The following RALYL variants were observed in gnomAD, a reference collection of about 807,000 sequenced individuals.
RALYL encodes the protein RNA-binding Raly-like protein.
In RALYL, 29 loss-of-function variants were observed where a neutral mutation model predicts 35.1. That is an observed-to-expected ratio of 0.83 (90% confidence interval 0.61 to 1.13). The LOEUF is 1.13. Among genes scored for constraint, RALYL ranks in the 50% most tolerant of loss-of-function variants. The pLI, the probability that RALYL is intolerant of heterozygous loss-of-function variation, is 0.00. For missense variants in RALYL, 359 were observed against 360.4 expected, an observed-to-expected ratio of 1.00 and a Z score of 0.03; for synonymous variants, 120 against 127.6, an observed-to-expected ratio of 0.94 and a Z score of 0.40.
At chr8:84,730,235 C>T (rs1181779092) in intron 2 of RALYL, among the ~76,000 whole-genome samples, 1 of 152,026 alleles carries the variant, frequency 6.6e-6, no homozygotes, top group Non-Finnish European at 1.5e-5. Flanking sequence ...TCAATATACA[C>T]AAATCAATAA....
chr8:84,609,481 G>T (rs1345660816), intron 2 of RALYL, among the ~76,000 whole-genome samples: 1 of 152,064 alleles, frequency 6.6e-6, no homozygotes, highest in African/African-American at 2.4e-5. Flanking sequence ...AAATCCTTTA[G>T]TCACTAGATG....
At chr8:84,593,223 T>C (rs1813695441) in intron 2 of RALYL, among the ~76,000 whole-genome samples, 1 of 152,086 alleles carries the variant, frequency 6.6e-6, no homozygotes. Flanking sequence ...TGTCTGGTCT[T>C]CCCTATATTG....
chr8:84,585,126 AT>A (rs1253906767), intron 2 of RALYL, among the ~76,000 whole-genome samples: 2 of 151,954 alleles, frequency 1.3e-5, no homozygotes, highest in African/African-American at 2.4e-5. Context: ...TGTTATGGGT[AT>A]TTTTTTTAAT....
At chr8:84,514,090 TAAAAA>T (rs57881021) in intron 1 of RALYL, among the ~76,000 whole-genome samples, 2 of 41,158 alleles carry the variant, frequency 4.9e-5, no homozygotes, top group Admixed American at 6.2e-4. Flanking sequence ...AGATTTCATC[TAAAAA>T]AAAAAAAAAA....
intron 1 of RALYL, among the ~76,000 whole-genome samples, chr8:84,462,193 A>G (rs182271708): frequency 1.5e-4 from 22 of 151,328 alleles, no homozygotes; most frequent in South Asian, 4.2e-4. Flanking sequence ...TTAATTTCCA[A>G]TCGCCTAATG....
intron 1 of RALYL, among the ~76,000 whole-genome samples, chr8:84,412,200 C>G (rs1407287395): frequency 6.6e-6 from 1 of 151,598 alleles, no homozygotes; most frequent in African/African-American, 2.4e-5. Context: ...TACAAAGATA[C>G]AAATCAAAGT....
At chr8:84,384,139 T>C (rs1383069487) in intron 1 of RALYL, among the ~76,000 whole-genome samples, 1 of 151,754 alleles carries the variant, frequency 6.6e-6, no homozygotes, top group Non-Finnish European at 1.5e-5. Context: ...GAGTAAGATA[T>C]TACACAATCA....
intron 1 of RALYL, among the ~76,000 whole-genome samples, chr8:84,476,395 C>T (rs902154077): frequency 1.1e-4 from 17 of 152,138 alleles, no homozygotes; most frequent in Admixed American, 3.3e-4. Flanking sequence ...TATGGAAAAC[C>T]TCTTTTGCTT....
chr8:84,306,089 G>A (rs1841732916), intron 1 of RALYL, among the ~76,000 whole-genome samples: 1 of 151,942 alleles, frequency 6.6e-6, no homozygotes, highest in Non-Finnish European at 1.5e-5. Context: ...GCGTGAACCT[G>A]GGAGGCGGAG....
Position 84,287,776 on chromosome 8 carries a change from G to T in RALYL, c.-24+103352G>T, listed in dbSNP as rs370940799. 1.9e-4 allele frequency among the ~76,000 whole-genome samples: 29 copies of T among 152,254 alleles called. 1 individual carries two copies. Among genetic ancestry groups the T allele is most frequent in the African/African-American group, 6.0e-4 (25 of 41,562 alleles). On this transcript the variant is annotated intron_variant, in intron 1 of 8. Coordinates refer to ENST00000521268, the MANE Select transcript of RALYL (RefSeq NM_173848.7). Reference sequence around the variant, plus strand: ...ATGATTAATTCTAGAAGATCCAATCGTTTCAGGAATTGGAGAATGGTTAGA... The same window carrying T: ...ATGATTAATTCTAGAAGATCCAATCTTTTCAGGAATTGGAGAATGGTTAGA...
intron 2 of RALYL, among the ~76,000 whole-genome samples, chr8:84,564,759 A>T (rs1338896620): frequency 2.0e-5 from 3 of 151,666 alleles, no homozygotes; most frequent in African/African-American, 7.2e-5. Context: ...ACTACATTTC[A>T]TCGTATTTAT....
At chr8:84,209,290 G>A (rs1296219263) in intron 1 of RALYL, among the ~76,000 whole-genome samples, 1 of 152,112 alleles carries the variant, frequency 6.6e-6, no homozygotes, top group African/African-American at 2.4e-5. Context: ...ATAAGTGCTG[G>A]TTTTTTGTAA....
intron 2 of RALYL, among the ~76,000 whole-genome samples, chr8:84,555,019 G>C (rs62528223): frequency 1.3e-5 from 2 of 151,998 alleles, no homozygotes; most frequent in Non-Finnish European, 2.9e-5. Flanking sequence ...AGTGGCTCAC[G>C]CCTGTAATCC....
At chr8:84,351,262 T>C (rs1850830625) in intron 1 of RALYL, among the ~76,000 whole-genome samples, 1 of 149,692 alleles carries the variant, frequency 6.7e-6, no homozygotes, top group African/African-American at 2.5e-5. Flanking sequence ...AGGAAAACTT[T>C]AAGTATTCTC....
At chr8:84,408,534 A>T (rs1014433452) in intron 1 of RALYL, among the ~76,000 whole-genome samples, 5 of 152,184 alleles carry the variant, frequency 3.3e-5, no homozygotes, top group Non-Finnish European at 5.9e-5. Flanking sequence ...AAAACAACAG[A>T]AGCTTCTTTC....
At chr8:84,597,113 G>A (rs1207909999) in intron 2 of RALYL, among the ~76,000 whole-genome samples, 3 of 152,156 alleles carry the variant, frequency 2.0e-5, no homozygotes, top group African/African-American at 7.2e-5. Flanking sequence ...GACTAAGACA[G>A]TGAAGTTTCT....
At chr8:84,808,876 A>ATTCTT (rs199981492) in intron 4 of RALYL, among the ~76,000 whole-genome samples, 2 of 152,150 alleles carry the variant, frequency 1.3e-5, no homozygotes, top group East Asian at 3.9e-4. Flanking sequence ...ACTTTGCTGA[A>ATTCTT]TTCTTTTATC....
chr8:84,644,612 A>G (rs2131415724), intron 2 of RALYL, among the ~76,000 whole-genome samples: 1 of 152,194 alleles, frequency 6.6e-6, no homozygotes. Context: ...TTTCTGGCTT[A>G]AATTCTACTT....
chr8:84,446,380 G>A lies in RALYL; in HGVS notation c.-23-82919G>A, dbSNP rs192891476. On this transcript the variant is annotated intron_variant, in intron 1 of 8. Coordinates refer to ENST00000521268, the MANE Select transcript of RALYL (RefSeq NM_173848.7). Reference sequence around the variant, plus strand: ...TTGTGTGCTTGAAAGAGTATAGTGGGTGCAAAAAAAAGGAAAAATACAGAA... The same window carrying A: ...TTGTGTGCTTGAAAGAGTATAGTGGATGCAAAAAAAAGGAAAAATACAGAA... Among the ~76,000 whole-genome samples, 33 of 125,336 alleles carry A rather than the reference G, an allele frequency of 2.6e-4. No individual in the cohort carries two copies. The East Asian group carries it at 7.1e-3, about 27-fold the overall frequency. 82.2% of individuals were successfully genotyped at this position (125,336 alleles called of 152,430 possible).
Sources: gnomAD v4.1 joint callset for allele counts (sites outside exome capture counted in the v4.1 genomes callset) on GRCh38, gnomAD v4.1.1 for gene constraint, MANE v1.5 for transcripts, NCBI Gene and HGNC (gene_info 2026-07-23, HGNC 2026-07-21) for gene names.